TUBA8: variants seen among roughly 807,000 people sequenced by gnomAD.
TUBA8 encodes tubulin alpha-8 chain.
Under a neutral mutation model 34.7 loss-of-function variants are expected in TUBA8, and 29 were observed. The ratio of observed to expected loss-of-function variants is 0.84; its 90% CI spans 0.62 to 1.14. The LOEUF is 1.14. TUBA8 is among the 50% of genes most tolerant of loss of function. The probability of loss-of-function intolerance (pLI) is 0.00; values close to 1 mark genes in which losing one functional copy is unlikely to be tolerated. For missense variants in TUBA8, 541 were observed against 599.2 expected, an observed-to-expected ratio of 0.90 and a Z score of 1.01; for synonymous variants, 226 against 231.2, an observed-to-expected ratio of 0.98 and a Z score of 0.21.
rs1928086151 is a variant in TUBA8, at chr22:18,119,644, T to G, written c.4-1835T>G. ...CCCACGCTCACCCCTGTGCTCATCC[T>G]CCCTCAAGGCAAGGACCAGGTGTCG... On this transcript the variant is annotated intron_variant, in intron 1 of 4. Transcript: ENST00000330423. This position sits in a 1 kb window ranked among gnomAD's most constrained non-coding sequence, Gnocchi z 5.9. The G allele has an allele frequency of 6.6e-6, 1 of 152,152 alleles. No homozygotes were observed. Among genetic ancestry groups the G allele is most frequent in the Admixed American group, 6.5e-5 (1 of 15,272 alleles). 9.4% of individuals were successfully genotyped at this position (152,152 alleles called of 1,614,324 possible).
In TUBA8 at chr22:18,111,983, C is replaced by A. The variant is rs1302340540; in HGVS notation, c.3+1115C>A. ...CCTCCTCCTAGCGGGCTCCCAGACA[C>A]CCCTGGGAACTGAAAGAACTTGGGA... On this transcript the variant is annotated intron_variant, in intron 1 of 4. Transcript: ENST00000330423. The surrounding 1 kb of genome is among the most constrained non-coding windows in gnomAD (Gnocchi z 5.1). 1 of 152,124 alleles carries A rather than the reference C, an allele frequency of 6.6e-6. No homozygotes were observed. Among genetic ancestry groups the A allele is most frequent in the Non-Finnish European group, 1.5e-5 (1 of 68,044 alleles). 9.4% of individuals were successfully genotyped at this position (152,124 alleles called of 1,614,324 possible). A position where few individuals can be genotyped will look rare whatever the true frequency, so the allele number is the denominator to read the frequency against.
At position 18,124,296 on chromosome 22, in the gene TUBA8, C is replaced by A; in HGVS notation, c.367C>A (p.Arg123=). The A allele has an allele frequency of 6.2e-7, 1 of 1,613,600 alleles. No homozygotes were observed. Among genetic ancestry groups the A allele is most frequent in the Non-Finnish European group, 8.5e-7 (1 of 1,179,830 alleles). Reference sequence around the variant, plus strand: ...CATTGACCTGGTGCTGGACCGCATACGGAAGCTGGTAAGATCAGGAGGGCA... The same window carrying A: ...CATTGACCTGGTGCTGGACCGCATAAGGAAGCTGGTAAGATCAGGAGGGCA... ...ESIDLVLDRI[R]KLTDACSGLQ... is the part of the protein sequence containing the mutation. The change falls in exon 3 of 5, where the codon CGG becomes AGG. Residue 123 remains arginine (R), a synonymous_variant. Transcript: ENST00000330423. The surrounding 1 kb of genome is among the most constrained non-coding windows in gnomAD (Gnocchi z 4.3).
Position 18,124,465 on chromosome 22 carries a change from C to G in TUBA8, c.375+161C>G, listed in dbSNP as rs1202309169. 4.9e-6 allele frequency: 4 copies of G among 808,610 alleles called. No individual in the cohort carries two copies. In the African/African-American group the frequency reaches 6.9e-5, roughly 14 times the overall value. 50.1% of individuals were successfully genotyped at this position (808,610 alleles called of 1,614,324 possible). Reference sequence around the variant, plus strand: ...GCTTAAATTCTGTAAGAAGCATGCACAGGGGTGATGCCCCTTCCTCTGTGT... The same window carrying G: ...GCTTAAATTCTGTAAGAAGCATGCAGAGGGGTGATGCCCCTTCCTCTGTGT... On this transcript the variant is annotated intron_variant, in intron 3 of 4. Coordinates refer to ENST00000330423, the MANE Select transcript of TUBA8 (RefSeq NM_018943.3). The surrounding 1 kb of genome is among the most constrained non-coding windows in gnomAD (Gnocchi z 4.3).
At position 18,124,209 on chromosome 22, in the gene TUBA8, A is replaced by G. The variant is rs765073897; in HGVS notation, c.280A>G (p.Thr94Ala). The change falls in exon 3 of 5, where the codon ACA becomes GCA. Residue 94 changes from threonine to alanine, a missense_variant. By Grantham distance (58) the Thr-to-Ala change is moderately conservative. Coordinates refer to ENST00000330423, the MANE Select transcript of TUBA8 (RefSeq NM_018943.3). The surrounding 1 kb of genome is among the most constrained non-coding windows in gnomAD (Gnocchi z 4.3). ...GCTCTTCCATCCAGAGCAGCTGATC[A>G]CAGGAAAGGAGGATGCAGCCAACAA... The part of the protein sequence containing the change: ...RQLFHPEQLI[T>A]GKEDAANNYA... 108 of 1,614,102 alleles carry G rather than the reference A, an allele frequency of 6.7e-5. No homozygotes were observed. Among genetic ancestry groups the G allele is most frequent in the East Asian group, 1.8e-4 (8 of 44,896 alleles).
At position 18,118,659 on chromosome 22, in the gene TUBA8, G is replaced by A. The variant is rs1395832706; in HGVS notation, c.4-2820G>A. The A allele has an allele frequency of 6.6e-6, 1 of 152,198 alleles. No individual in the cohort carries two copies. Among genetic ancestry groups the A allele is most frequent in the Non-Finnish European group, 1.5e-5 (1 of 68,048 alleles). 9.4% of individuals were successfully genotyped at this position (152,198 alleles called of 1,614,324 possible). ...ACTTTTCACTTTTGAGAGCACCTAT[G>A]AATCTGTCAGTCATTTCTGAGTCTA... On this transcript the variant is annotated intron_variant, in intron 1 of 4. Coordinates refer to ENST00000330423, the MANE Select transcript of TUBA8 (RefSeq NM_018943.3). This position sits in a 1 kb window ranked among gnomAD's most constrained non-coding sequence, Gnocchi z 4.0.
chr22:18,126,643 C>T lies in TUBA8; in HGVS notation c.665C>T (p.Pro222Leu), dbSNP rs1255440740. The T allele has an allele frequency of 6.2e-7, 1 of 1,614,146 alleles. No individual in the cohort carries two copies. The highest frequency in any genetic ancestry group is 8.5e-7 in the Non-Finnish European group (1 of 1,180,034). The change falls in exon 4 of 5, where the codon CCT becomes CTT. Residue 222 changes from proline (P) to leucine (L), a missense_variant. Transcript: ENST00000330423. The surrounding 1 kb of genome is among the most constrained non-coding windows in gnomAD (Gnocchi z 4.0). ...CGCAGGAACCTTGACATTGAGCGCC[C>T]TACCTATACCAACCTCAACCGCCTC... ...ICRRNLDIER[P>L]TYTNLNRLIS... is the part of the protein sequence containing the mutation.
chr22:18,120,321 C>G (rs362207), intron 1 of TUBA8: 61,351 of 152,112 alleles, frequency 0.4, 17,769 homozygotes, highest in African/African-American at 0.79. Context: ...AGTGTCTACT[C>G]TTGCCATTTT....
chr22:18,124,047 C>T lies in TUBA8; in HGVS notation c.227-109C>T. 7.1e-7 allele frequency: 1 copy of T among 1,399,360 alleles called. No individual in the cohort carries two copies. The highest frequency in any genetic ancestry group is 1.0e-6 in the Non-Finnish European group (1 of 998,086). 86.7% of individuals were successfully genotyped at this position (1,399,360 alleles called of 1,614,324 possible). A position where few individuals can be genotyped will look rare whatever the true frequency, so the allele number is the denominator to read the frequency against. On this transcript the variant is annotated intron_variant, in intron 2 of 4. Transcript: ENST00000330423. The surrounding 1 kb of genome is among the most constrained non-coding windows in gnomAD (Gnocchi z 4.3). ...ACGAGGTGGTCTGGCTTCAAACCTC[C>T]ATGGAGTTTTATAGGTAGGGGAGAA...
At chr22:18,129,439 A>G (rs948413023) in intron 4 of TUBA8, 15 of 152,348 alleles carry the variant, frequency 9.8e-5, no homozygotes. Context: ...CTCCAACAGT[A>G]CTTGTCCCCA....
In TUBA8 at chr22:18,121,462, C is replaced by T; in HGVS notation, c.4-17C>T. 1 of 1,610,184 alleles carries T rather than the reference C, an allele frequency of 6.2e-7. No individual in the cohort carries two copies. The highest frequency in any genetic ancestry group is 2.2e-5 in the East Asian group (1 of 44,868). ...GGGCCCAGACTCTCTGACCTCGTTG[C>T]TTCCCTCTCCCCACAGCGGGAATGC... On this transcript the variant is annotated splice_polypyrimidine_tract_variant and intron_variant, in intron 1 of 4. Coordinates refer to ENST00000330423, the MANE Select transcript of TUBA8 (RefSeq NM_018943.3). The surrounding 1 kb of genome is among the most constrained non-coding windows in gnomAD (Gnocchi z 4.8).
intron 4 of TUBA8, 99 bp from the exon 5 acceptor site, chr22:18,130,744 C>T (rs1219614199): frequency 1.3e-6 from 2 of 1,539,988 alleles, no homozygotes; most frequent in African/African-American, 1.4e-5. Context: ...CTGACCATGA[C>T]TTGAAGCCAT....
At position 18,127,051 on chromosome 22, in the gene TUBA8, T is replaced by C. The variant is rs746220572; in HGVS notation, c.1056+17T>C. 19 of 1,613,570 alleles carry C rather than the reference T, an allele frequency of 1.2e-5. No homozygotes were observed. The African/African-American group carries it at 2.5e-4, about 22-fold the overall frequency. On this transcript the variant is annotated intron_variant, in intron 4 of 4. Coordinates refer to ENST00000330423, the MANE Select transcript of TUBA8 (RefSeq NM_018943.3). Reference sequence around the variant, plus strand: ...GGCTTCAAGGTGAGAGCTGATGACTTAGGAAGGGGAGAGAGGACTAGAGAA... The same window carrying C: ...GGCTTCAAGGTGAGAGCTGATGACTCAGGAAGGGGAGAGAGGACTAGAGAA...
Position 18,126,991 on chromosome 22 carries a change from A to G in TUBA8, c.1013A>G (p.Lys338Arg), listed in dbSNP as rs766237974. 6.2e-7 allele frequency: 1 copy of G among 1,613,992 alleles called. No individual in the cohort carries two copies. The highest frequency in any genetic ancestry group is 8.5e-7 in the Non-Finnish European group (1 of 1,180,010). The change falls in exon 4 of 5, where the codon AAG becomes AGG. Residue 338 changes from lysine (K) to arginine (R), a missense_variant. Coordinates refer to ENST00000330423, the MANE Select transcript of TUBA8 (RefSeq NM_018943.3). The surrounding 1 kb of genome is among the most constrained non-coding windows in gnomAD (Gnocchi z 4.0). ...GTCGCTATTGCTGCCATCAAGACCAAGAGGACCATCCAGTTTGTAGACTGG... is the reference window on the plus strand; with the variant it reads ...GTCGCTATTGCTGCCATCAAGACCAGGAGGACCATCCAGTTTGTAGACTGG... The part of the protein sequence containing the change: ...VNVAIAAIKT[K>R]RTIQFVDWCP...
rs1341672906 is a variant in TUBA8 at position 18,118,857 on chromosome 22, G to T, written c.4-2622G>T. 6.6e-6 allele frequency: 1 copy of T among 152,224 alleles called. No individual in the cohort carries two copies. Among genetic ancestry groups the T allele is most frequent in the East Asian group, 1.9e-4 (1 of 5,200 alleles). 9.4% of individuals were successfully genotyped at this position (152,224 alleles called of 1,614,324 possible). A position where few individuals can be genotyped will look rare whatever the true frequency, so the allele number is the denominator to read the frequency against. ...AATGAGGGCATTAAAAGAGGCTAAA[G>T]ACGTTGTCACCATGCTAGTGGTTTT... On this transcript the variant is annotated intron_variant, in intron 1 of 4. Coordinates refer to ENST00000330423, the MANE Select transcript of TUBA8 (RefSeq NM_018943.3). This position sits in a 1 kb window ranked among gnomAD's most constrained non-coding sequence, Gnocchi z 4.0.
Position 18,111,144 on chromosome 22 carries a change from C to A in TUBA8, c.3+276C>A, listed in dbSNP as rs1927792614. On this transcript the variant is annotated intron_variant, in intron 1 of 4. Transcript: ENST00000330423. The surrounding 1 kb of genome is among the most constrained non-coding windows in gnomAD (Gnocchi z 5.1). ...CGAGGGGGAGGGAGGCCCTGGGGAG[C>A]CCGACGGAGAAGGGGGCGAGATTCT... 1.1e-5 allele frequency: 6 copies of A among 568,104 alleles called. 1 individual carries two copies. The East Asian group carries it at 1.8e-4, about 17-fold the overall frequency. 35.2% of individuals were successfully genotyped at this position (568,104 alleles called of 1,614,324 possible).
At chr22:18,130,716 AG>A in intron 4 of TUBA8, 126 bp from the exon 5 acceptor site, 3 of 1,239,528 alleles carry the variant, frequency 2.4e-6, no homozygotes, top group Non-Finnish European at 3.4e-6. Flanking sequence ...TGCATCCCAT[AG>A]CCCCACTCCC....
chr22:18,129,762 T>G (rs1198514198), intron 4 of TUBA8: 1 of 152,158 alleles, frequency 6.6e-6, no homozygotes, highest in African/African-American at 2.4e-5. Flanking sequence ...TTTAAGAGAC[T>G]GGCGATTAAA....
At chr22:18,112,328 C>T (rs1927838075) in intron 1 of TUBA8, 1 of 152,166 alleles carries the variant, frequency 6.6e-6, no homozygotes, top group Admixed American at 6.5e-5. Context: ...TCAATAATTA[C>T]CAACTTCTGA....
Position 18,131,660 on chromosome 22 carries a change from A to G in TUBA8, c.*524A>G, listed in dbSNP as rs1429124036. 4 of 174,494 alleles carry G rather than the reference A, an allele frequency of 2.3e-5. No individual in the cohort carries two copies. The highest frequency in any genetic ancestry group is 7.2e-5 in the African/African-American group (3 of 41,894). 10.8% of individuals were successfully genotyped at this position (174,494 alleles called of 1,614,324 possible). A position where few individuals can be genotyped will look rare whatever the true frequency, so the allele number is the denominator to read the frequency against. On this transcript the variant is annotated 3_prime_UTR_variant, in exon 5 of 5. Coordinates refer to ENST00000330423, the MANE Select transcript of TUBA8 (RefSeq NM_018943.3). The surrounding 1 kb of genome is among the most constrained non-coding windows in gnomAD (Gnocchi z 5.3). ...CTGTCCTAGGCACTGAGAGCTGGAG[A>G]GTTGGTGATAAGCGAGACGAACACA... is the stretch of plus-strand genomic sequence containing the variant.
Sources: gnomAD v4.1 joint callset for allele counts on GRCh38, gnomAD v4.1.1 for gene constraint, Gnocchi (gnomAD v3.1) non-coding constraint, MANE v1.5 for transcripts, NCBI Gene and HGNC (gene_info 2026-07-23, HGNC 2026-07-21) for gene names.